Variants in PEX14 observed in about 807,000 individuals in gnomAD.
PEX14 encodes peroxisomal biogenesis factor 14, also known as peroxisomal membrane protein PEX14.
PEX14 carries 15 observed loss-of-function variants against 49.5 expected under a neutral mutation model. The ratio of observed to expected loss-of-function variants is 0.30; its 90% CI spans 0.20 to 0.47. PEX14 has a LOEUF of 0.47. PEX14 is among the 20% of genes least tolerant of loss of function. PEX14 has a pLI of 1.00. For missense variants in PEX14, 398 were observed against 494.8 expected, an observed-to-expected ratio of 0.80 and a Z score of 1.86; for synonymous variants, 210 against 212.7, an observed-to-expected ratio of 0.99 and a Z score of 0.11.
intron 2 of PEX14, among the ~76,000 whole-genome samples, chr1:10,507,227 C>CTGGT (rs1468427461): frequency 6.6e-6 from 1 of 152,240 alleles, no homozygotes; most frequent in Non-Finnish European, 1.5e-5. Context: ...GGATTGAAAG[C>CTGGT]TGGTGTCCAT....
intron 3 of PEX14, among the ~76,000 whole-genome samples, chr1:10,537,033 T>C (rs1028162856): frequency 2.6e-5 from 4 of 152,188 alleles, no homozygotes; most frequent in Non-Finnish European, 4.4e-5. Context: ...AAAGCAAAAC[T>C]CTTTTTCCTT....
chr1:10,587,404 G>A (rs139145468), intron 3 of PEX14, among the ~76,000 whole-genome samples: 114 of 152,198 alleles, frequency 7.5e-4, no homozygotes, highest in African/African-American at 2.2e-3. Flanking sequence ...ACAGTGAGCC[G>A]AGATGGCACC....
chr1:10,586,177 G>A (rs759265235), intron 3 of PEX14, among the ~76,000 whole-genome samples: 24 of 152,130 alleles, frequency 1.6e-4, no homozygotes, highest in African/African-American at 4.1e-4. Flanking sequence ...GCCTTATTAC[G>A]TAGAACGCTG....
intron 8 of PEX14, 42 bp downstream of exon 8, chr1:10,627,405 AAAGG>A: frequency 1.4e-6 from 2 of 1,379,728 alleles, no homozygotes; most frequent in Non-Finnish European, 2.1e-6. Context: ...TCGGGCCTGG[AAAGG>A]AGGACTGGGA....
intron 1 of PEX14, among the ~76,000 whole-genome samples, chr1:10,486,251 T>A (rs1393244696): frequency 1.3e-5 from 2 of 152,178 alleles, no homozygotes; most frequent in Non-Finnish European, 2.9e-5. Context: ...GTTCCCCATT[T>A]TGGGGGAAAT....
intron 3 of PEX14, among the ~76,000 whole-genome samples, chr1:10,562,546 T>C (rs1311925947): frequency 6.6e-6 from 1 of 152,208 alleles, no homozygotes; most frequent in Non-Finnish European, 1.5e-5. Context: ...ATTTATCTGA[T>C]GTTTCCTCAT....
chr1:10,500,541 A>T (rs1641658653), intron 2 of PEX14, among the ~76,000 whole-genome samples: 1 of 152,008 alleles, frequency 6.6e-6, no homozygotes, highest in Admixed American at 6.6e-5. Context: ...CGGCAGGTTC[A>T]CTGTGGATAA....
chr1:10,626,015 C>G (rs183701646), intron 7 of PEX14, among the ~76,000 whole-genome samples: 1 of 152,342 alleles, frequency 6.6e-6, no homozygotes, highest in Non-Finnish European at 1.5e-5. Context: ...TGTGTTTTCT[C>G]AGCTGTAATG....
chr1:10,494,980 C>A lies in PEX14; in HGVS notation c.37-294C>A. ...CCGTGGATTTTGGGATGGTCCCCAG[C>A]CCTTGCTGCTCAGTAGGTGATCGTG... On this transcript the variant is annotated intron_variant, in intron 1 of 8. Transcript: ENST00000356607. This position sits in a 1 kb window ranked among gnomAD's most constrained non-coding sequence, Gnocchi z 4.3. The A allele has an allele frequency of 2.9e-6, 1 of 341,260 alleles. No homozygotes were observed. The highest frequency in any genetic ancestry group is 4.1e-6 in the Non-Finnish European group (1 of 240,968). 21.1% of individuals were successfully genotyped at this position (341,260 alleles called of 1,614,324 possible).
chr1:10,610,152 G>A (rs1256460233), intron 4 of PEX14, among the ~76,000 whole-genome samples: 1 of 148,206 alleles, frequency 6.7e-6, no homozygotes, highest in Non-Finnish European at 1.5e-5. Context: ...GGAATGAACT[G>A]TTTATGTCTA....
intron 3 of PEX14, among the ~76,000 whole-genome samples, chr1:10,587,699 T>G (rs556169114): frequency 5.9e-5 from 9 of 152,118 alleles, no homozygotes; most frequent in African/African-American, 2.2e-4. Flanking sequence ...AAAGGTTCAG[T>G]AGGGGATGTT....
At chr1:10,577,936 T>G (rs568132746) in intron 3 of PEX14, among the ~76,000 whole-genome samples, 25 of 151,888 alleles carry the variant, frequency 1.6e-4, no homozygotes, top group Non-Finnish European at 2.2e-4. Context: ...TGAATTTGAT[T>G]CTTGAAAGAA....
chr1:10,543,737 G>A (rs2124496329), intron 3 of PEX14, among the ~76,000 whole-genome samples: 1 of 152,256 alleles, frequency 6.6e-6, no homozygotes, highest in East Asian at 1.9e-4. Context: ...CTCCCGAGTA[G>A]CTGGGACTAC....
At chr1:10,563,728 C>T (rs925528877) in intron 3 of PEX14, among the ~76,000 whole-genome samples, 2 of 151,762 alleles carry the variant, frequency 1.3e-5, no homozygotes, top group Admixed American at 6.6e-5. Context: ...ATTGAGACCA[C>T]GGTGAAACCC....
At chr1:10,549,879 A>G (rs545833963) in intron 3 of PEX14, among the ~76,000 whole-genome samples, 1 of 152,150 alleles carries the variant, frequency 6.6e-6, no homozygotes, top group Non-Finnish European at 1.5e-5. Flanking sequence ...ATAAAATAGC[A>G]CTGTTCTTTG....
At chr1:10,503,281 C>CAAAAAAAAAAAAAAAAAA (rs59342388) in intron 2 of PEX14, among the ~76,000 whole-genome samples, 5 of 75,478 alleles carry the variant, frequency 6.6e-5, no homozygotes, top group African/African-American at 2.9e-4. Context: ...GACTCTGTCT[C>CAAAAAAAAAAAAAAAAAA]AAAAAAAAAA....
intron 2 of PEX14, among the ~76,000 whole-genome samples, chr1:10,530,386 C>CT (rs1203636280): frequency 2.0e-5 from 3 of 152,264 alleles, no homozygotes; most frequent in African/African-American, 7.2e-5. Flanking sequence ...AGTGAAAACA[C>CT]TTAATTTGGG....
At chr1:10,608,313 C>A (rs1276472063) in intron 4 of PEX14, among the ~76,000 whole-genome samples, 2 of 152,158 alleles carry the variant, frequency 1.3e-5, no homozygotes, top group Non-Finnish European at 2.9e-5. Context: ...CCAGTTGTGC[C>A]TATACCTTAT....
chr1:10,575,946 A>G (rs1342897430), intron 3 of PEX14, among the ~76,000 whole-genome samples: 1 of 152,164 alleles, frequency 6.6e-6, no homozygotes. Context: ...AAAATGACCA[A>G]GTAGCAACAA....
Sources: allele counts gnomAD v4.1 joint callset (sites outside exome capture counted in the v4.1 genomes callset), GRCh38; gene constraint gnomAD v4.1.1; non-coding constraint Gnocchi (gnomAD v3.1); transcripts MANE v1.5; gene names NCBI Gene and HGNC (gene_info 2026-07-23, HGNC 2026-07-21).